The following BCL2L11 variants were observed in gnomAD, a reference collection of about 807,000 sequenced individuals.
BCL2L11 encodes the protein bcl-2-like protein 11.
Under a neutral mutation model 20.6 loss-of-function variants are expected in BCL2L11, and 15 were observed. That is an observed-to-expected ratio of 0.73 (90% confidence interval 0.49 to 1.12). The LOEUF is 1.12. Among genes scored for constraint, BCL2L11 ranks in the 50% most tolerant of loss-of-function variants. BCL2L11 has a pLI of 0.00. For synonymous variants in BCL2L11, 108 were observed against 92.8 expected (o/e 1.16, Z -0.94); for missense variants, 292 against 260.9 (o/e 1.12, Z -0.82).
At chr2:111,128,816 G>A (rs2073258660) in intron 2 of BCL2L11, 2 of 1,464,804 alleles carry the variant, frequency 1.4e-6, no homozygotes, top group African/African-American at 1.5e-5. Flanking sequence ...ATGGTCATTG[G>A]TGATTAAATA....
At chr2:111,150,404 A>G (rs2077108120) in intron 3 of BCL2L11, 1 of 538,782 alleles carries the variant, frequency 1.9e-6, no homozygotes, top group Non-Finnish European at 3.0e-6. Flanking sequence ...AATGCTAAAA[A>G]AGGGATTATT....
intron 1 of BCL2L11, 161 bp from the exon 2 acceptor site, chr2:111,123,567 ATTATT>A (rs1286741775): frequency 5.1e-6 from 5 of 973,708 alleles, no homozygotes; most frequent in Non-Finnish European, 6.1e-6. Flanking sequence ...TTACACCTTT[ATTATT>A]TTAGGTGCAA....
intron 2 of BCL2L11, among the ~76,000 whole-genome samples, chr2:111,137,229 T>C (rs1440020665): frequency 6.6e-6 from 1 of 152,190 alleles, no homozygotes; most frequent in Non-Finnish European, 1.5e-5. Flanking sequence ...TTTAAAACCA[T>C]TAAATCTGAT....
chr2:111,137,384 C>T (rs893988832), intron 2 of BCL2L11, among the ~76,000 whole-genome samples: 6 of 152,196 alleles, frequency 3.9e-5, no homozygotes, highest in Admixed American at 3.9e-4. Flanking sequence ...AGACCAGCCT[C>T]AGTCTCTTGG....
chr2:111,147,346 T>TCTCTCTCTCTCTCACA (rs760779894), intron 2 of BCL2L11, among the ~76,000 whole-genome samples: 10 of 137,332 alleles, frequency 7.3e-5, no homozygotes, highest in African/African-American at 2.3e-4. Flanking sequence ...TCTCTCTCTC[T>TCTCTCTCTCTCTCACA]CACACACACA....
At position 111,141,721 on chromosome 2, in the gene BCL2L11, G is replaced by A. The variant is rs984093500; in HGVS notation, c.395-8323G>A. On this transcript the variant is annotated intron_variant, in intron 2 of 3. Coordinates refer to ENST00000393256, the MANE Select transcript of BCL2L11 (RefSeq NM_138621.5). ...GTGAGTTTTTTTTTTTTTTTGAGAC[G>A]GAGTTTCGCTCTTGTCACCCAGGCT... is the stretch of plus-strand genomic sequence containing the variant. Among the ~76,000 whole-genome samples, 17 of 148,608 alleles carry A rather than the reference G, an allele frequency of 1.1e-4. 1 individual carries two copies. Among genetic ancestry groups the A allele is most frequent in the African/African-American group, 3.2e-4 (13 of 40,368 alleles).
intron 1 of BCL2L11, chr2:111,123,529 T>C: frequency 1.0e-6 from 1 of 985,318 alleles, no homozygotes; most frequent in African/African-American, 1.7e-5. Context: ...CTGTATTTTG[T>C]TTGGGGGTAC....
At chr2:111,130,330 C>A in intron 2 of BCL2L11, 1 of 246,822 alleles carries the variant, frequency 4.1e-6, no homozygotes, top group South Asian at 3.4e-5. Flanking sequence ...TCTCGAACTC[C>A]TGACCTCAGG....
chr2:111,143,648 G>A (rs1214909244), intron 2 of BCL2L11, among the ~76,000 whole-genome samples: 1 of 152,214 alleles, frequency 6.6e-6, no homozygotes, highest in East Asian at 1.9e-4. Flanking sequence ...GGGAGTCTTA[G>A]AGGGCTCCTG....
At chr2:111,138,305 T>TG (rs1355182117) in intron 2 of BCL2L11, among the ~76,000 whole-genome samples, 1 of 152,248 alleles carries the variant, frequency 6.6e-6, no homozygotes, top group Non-Finnish European at 1.5e-5. Context: ...CCACTGCTCC[T>TG]GGCCACAGGT....
chr2:111,161,586 G>T, intron 3 of BCL2L11: 1 of 1,514,174 alleles, frequency 6.6e-7, no homozygotes, highest in South Asian at 1.2e-5. Context: ...TAGATGCGAG[G>T]AACCACTCAC....
At chr2:111,136,178 C>T (rs976844857) in intron 2 of BCL2L11, among the ~76,000 whole-genome samples, 3 of 152,150 alleles carry the variant, frequency 2.0e-5, no homozygotes, top group Admixed American at 6.5e-5. Context: ...AGTCCCTTGG[C>T]GATGGAGAAC....
chr2:111,124,230 C>A (rs536830692), intron 2 of BCL2L11, 91 bp downstream of exon 2: 1 of 1,370,458 alleles, frequency 7.3e-7, no homozygotes, highest in Non-Finnish European at 9.9e-7. Flanking sequence ...CCTTTTAAAA[C>A]CCCGTAACTG....
chr2:111,121,779 T>C (rs1235882852), intron 1 of BCL2L11, among the ~76,000 whole-genome samples: 1 of 152,230 alleles, frequency 6.6e-6, no homozygotes. Flanking sequence ...CTGGGGCCCC[T>C]GCTTGCTCTG....
intron 3 of BCL2L11, among the ~76,000 whole-genome samples, chr2:111,157,932 T>G (rs1446279584): frequency 6.6e-6 from 1 of 152,232 alleles, no homozygotes; most frequent in Admixed American, 6.5e-5. Flanking sequence ...AACTTCCTAG[T>G]GCCCTTTCCC....
At chr2:111,161,704 A>G (rs1328576420) in intron 3 of BCL2L11, among the ~76,000 whole-genome samples, 1 of 152,112 alleles carries the variant, frequency 6.6e-6, no homozygotes, top group Non-Finnish European at 1.5e-5. Context: ...TTCCAATTCC[A>G]TCTTGGATGT....
intron 2 of BCL2L11, among the ~76,000 whole-genome samples, chr2:111,137,040 C>T (rs1489307329): frequency 1.3e-5 from 2 of 152,166 alleles, no homozygotes; most frequent in Non-Finnish European, 2.9e-5. Flanking sequence ...GTGCTGCTTT[C>T]GAACATCACT....
At position 111,164,302 on chromosome 2, in the gene BCL2L11, G is replaced by C. The variant is rs1266899356; in HGVS notation, c.*71G>C. On this transcript the variant is annotated 3_prime_UTR_variant, in exon 4 of 4. Transcript: ENST00000393256. ...TCAAACCAACAAGACCCAGCACCGCGGTCTCCTGGTGCCATTATTATGCAG... is the reference window on the plus strand; with the variant it reads ...TCAAACCAACAAGACCCAGCACCGCCGTCTCCTGGTGCCATTATTATGCAG... The C allele has an allele frequency of 8.7e-7, 1 of 1,145,250 alleles. No individual in the cohort carries two copies. The highest frequency in any genetic ancestry group is 1.5e-5 in the African/African-American group (1 of 65,866). 70.9% of individuals were successfully genotyped at this position (1,145,250 alleles called of 1,614,324 possible).
chr2:111,128,831 G>A, intron 2 of BCL2L11: 1 of 1,447,666 alleles, frequency 6.9e-7, no homozygotes, highest in South Asian at 1.4e-5. Flanking sequence ...TAAATAAAAT[G>A]TATTTTAATA....
Sources: allele counts gnomAD v4.1 joint callset (sites outside exome capture counted in the v4.1 genomes callset), GRCh38; gene constraint gnomAD v4.1.1; transcripts MANE v1.5; gene names NCBI Gene and HGNC (gene_info 2026-07-23, HGNC 2026-07-21).